Variants in SAMD12 observed in about 807,000 individuals in gnomAD.
The protein encoded by SAMD12 is sterile alpha motif domain-containing protein 12.
A neutral mutation model predicts 15.0 loss-of-function variants in SAMD12; 9 were observed. That is an observed-to-expected ratio of 0.60 (90% confidence interval 0.36 to 1.05). The LOEUF is 1.05. SAMD12 is among the 50% of genes least tolerant of loss of function. The pLI, the probability that SAMD12 is intolerant of heterozygous loss-of-function variation, is 0.01. For synonymous variants in SAMD12, 86 were observed against 90.1 expected (o/e 0.96, Z 0.25); for missense variants, 230 against 234.2 (o/e 0.98, Z 0.12).
At chr8:118,270,535 CTTGAG>C (rs1404488619) in intron 4 of SAMD12, among the ~76,000 whole-genome samples, 20 of 152,074 alleles carry the variant, frequency 1.3e-4, no homozygotes, top group African/African-American at 4.8e-4. Context: ...GTATGATGGT[CTTGAG>C]TTTTCAGCCT....
chr8:118,281,671 C>T (rs1040261302), intron 4 of SAMD12, among the ~76,000 whole-genome samples: 1 of 152,046 alleles, frequency 6.6e-6, no homozygotes, highest in African/African-American at 2.4e-5. Flanking sequence ...TTTGTGTGGG[C>T]ATGGGGAATA....
At chr8:118,318,795 G>A (rs567506203) in intron 4 of SAMD12, among the ~76,000 whole-genome samples, 2 of 152,246 alleles carry the variant, frequency 1.3e-5, no homozygotes, top group African/African-American at 2.4e-5. Context: ...TGGGGAGGGG[G>A]CTTCAAGGGA....
At chr8:118,553,814 A>G (rs1175764892) in intron 2 of SAMD12, among the ~76,000 whole-genome samples, 1 of 149,532 alleles carries the variant, frequency 6.7e-6, no homozygotes, top group East Asian at 1.9e-4. Context: ...AGAATCTACA[A>G]TGAACTCAAA....
rs143774352 is a variant in SAMD12 at position 118,471,710 on chromosome 8, C to G, written c.193-31749G>C. Among the ~76,000 whole-genome samples the G allele has an allele frequency of 4.8e-3, 738 of 152,228 alleles. 2 individuals are homozygous for G. Among genetic ancestry groups the G allele is most frequent in the African/African-American group, 0.017 (702 of 41,528 alleles). On this transcript the variant is annotated intron_variant, in intron 2 of 3. Coordinates refer to ENST00000314727, the MANE Select transcript of SAMD12 (RefSeq NM_207506.3). ...GGGTGTAGTGTCCATGAAACTTGCTCTTGGTCTTAGGTATTTATTTACTGT... is the reference window on the plus strand; with the variant it reads ...GGGTGTAGTGTCCATGAAACTTGCTGTTGGTCTTAGGTATTTATTTACTGT...
chr8:118,185,835 A>T (rs1819234126), downstream of SAMD12, among the ~76,000 whole-genome samples: 1 of 152,162 alleles, frequency 6.6e-6, no homozygotes, highest in Non-Finnish European at 1.5e-5. Flanking sequence ...ATTAATAGAA[A>T]GTGGCAGGTT....
intron 2 of SAMD12, among the ~76,000 whole-genome samples, chr8:118,466,224 G>T (rs1191188574): frequency 1.3e-5 from 2 of 152,170 alleles, no homozygotes; most frequent in African/African-American, 4.8e-5. Context: ...ACAAGGAGAG[G>T]CCTTGAACCA....
exon 5 of SAMD12, chr8:118,193,917 T>C (rs1170807686): frequency 6.6e-6 from 1 of 152,152 alleles, no homozygotes; most frequent in African/African-American, 2.4e-5. Context: ...AGTCTAGTTG[T>C]CAAGTAACAA....
In SAMD12 at chr8:118,539,199, G is replaced by A. The variant is rs539429919; in HGVS notation, c.192+41516C>T. ...TATATAGATATACCTGCCAAGATCT[G>A]CTTTGCATTTGCTCAGAGATGGAAT... On this transcript the variant is annotated intron_variant, in intron 2 of 3. Transcript: ENST00000314727. Among the ~76,000 whole-genome samples, 11 of 152,276 alleles carry A rather than the reference G, an allele frequency of 7.2e-5. No individual in the cohort carries two copies. In the South Asian group the frequency reaches 2.1e-3, roughly 29 times the overall value.
intron 4 of SAMD12, among the ~76,000 whole-genome samples, chr8:118,338,764 T>C (rs1465688000): frequency 2.0e-5 from 3 of 152,180 alleles, no homozygotes; most frequent in African/African-American, 7.2e-5. Flanking sequence ...CACAGCCCTG[T>C]TGCTTGGAAA....
chr8:118,549,973 AG>A (rs1347740194), intron 2 of SAMD12, among the ~76,000 whole-genome samples: 6 of 152,322 alleles, frequency 3.9e-5, no homozygotes, highest in East Asian at 3.9e-4. Context: ...AGGGAAGTTT[AG>A]GGAAAAAAGA....
At chr8:118,217,667 A>C (rs910210883) in intron 4 of SAMD12, among the ~76,000 whole-genome samples, 1 of 109,290 alleles carries the variant, frequency 9.1e-6, no homozygotes, top group African/African-American at 2.7e-5. Flanking sequence ...GGAGAAAAAA[A>C]GGAGAAAGGG....
At chr8:118,274,465 T>C (rs926606467) in intron 4 of SAMD12, among the ~76,000 whole-genome samples, 2 of 152,170 alleles carry the variant, frequency 1.3e-5, no homozygotes, top group African/African-American at 4.8e-5. Context: ...ATACAAAATG[T>C]AGAGTGTAGA....
At chr8:118,590,533 A>G (rs1429518637) in intron 1 of SAMD12, among the ~76,000 whole-genome samples, 1 of 152,260 alleles carries the variant, frequency 6.6e-6, no homozygotes, top group African/African-American at 2.4e-5. Flanking sequence ...ACTATTACCC[A>G]GCCATAAGGA....
At chr8:118,535,325 G>T (rs573091840) in intron 2 of SAMD12, among the ~76,000 whole-genome samples, 10 of 152,198 alleles carry the variant, frequency 6.6e-5, no homozygotes, top group African/African-American at 2.4e-4. Flanking sequence ...TCTCAAAGGG[G>T]CACCTGGCTG....
the SAMD12 span, among the ~76,000 whole-genome samples, chr8:118,164,144 G>GA: frequency 6.6e-6 from 1 of 152,154 alleles, no homozygotes; most frequent in East Asian, 1.9e-4. Context: ...AGGGGAAGCA[G>GA]AACTCCTTCT....
intron 3 of SAMD12, 86 bp from the exon 4 acceptor site, chr8:118,379,786 A>G: frequency 6.6e-7 from 1 of 1,504,526 alleles, no homozygotes; most frequent in Admixed American, 2.2e-5. Flanking sequence ...TAACCCTGCC[A>G]TCACAGAAGT....
chr8:118,197,657 C>G, exon 5 of SAMD12: 1 of 1,484,274 alleles, frequency 6.7e-7, no homozygotes, highest in Non-Finnish European at 9.4e-7. Flanking sequence ...CTGTGAGGAA[C>G]AGGCCATGTT....
intron 3 of SAMD12, among the ~76,000 whole-genome samples, chr8:118,426,284 T>TTGA (rs1822233619): frequency 6.6e-6 from 1 of 152,206 alleles, no homozygotes; most frequent in Non-Finnish European, 1.5e-5. Flanking sequence ...GTGGGTCCTG[T>TTGA]TGATGGTAAG....
chr8:118,474,503 C>T (rs533813975), intron 2 of SAMD12, among the ~76,000 whole-genome samples: 239 of 152,152 alleles, frequency 1.6e-3, no homozygotes, highest in Admixed American at 2.7e-3. Context: ...ACCTCAGCCT[C>T]CCGAGTAGCT....
Sources: allele counts gnomAD v4.1 joint callset (sites outside exome capture counted in the v4.1 genomes callset), GRCh38; gene constraint gnomAD v4.1.1; transcripts MANE v1.5; gene names NCBI Gene and HGNC (gene_info 2026-07-23, HGNC 2026-07-21).